The following MORC1 variants were observed in gnomAD, a reference collection of about 807,000 sequenced individuals.
MORC1 encodes MORC family CW-type zinc finger protein 1.
Under a neutral mutation model 134.9 loss-of-function variants are expected in MORC1, and 59 were observed. The ratio of observed to expected loss-of-function variants is 0.44; its 90% CI spans 0.35 to 0.54. MORC1 has a LOEUF of 0.54. Ranked by LOEUF, MORC1 falls within the 20% of genes least tolerant of loss-of-function variation. The probability of loss-of-function intolerance (pLI) is 0.00; values close to 1 mark genes in which losing one functional copy is unlikely to be tolerated. For synonymous variants in MORC1, 395 were observed against 391.7 expected (o/e 1.01, Z -0.10); for missense variants, 947 against 1,134.5 (o/e 0.83, Z 2.37).
At chr3:109,047,767 T>C (rs1949726189) in intron 14 of MORC1, among the ~76,000 whole-genome samples, 1 of 152,198 alleles carries the variant, frequency 6.6e-6, no homozygotes, top group Admixed American at 6.5e-5. Context: ...AGAGTTCAGT[T>C]GCTTCTGTTA....
chr3:109,043,780 G>A (rs1025875084), intron 14 of MORC1, among the ~76,000 whole-genome samples: 1 of 152,042 alleles, frequency 6.6e-6, no homozygotes, highest in African/African-American at 2.4e-5. Context: ...CTCAACCAAC[G>A]TTGCTGCTAT....
At chr3:109,000,160 T>C (rs554312426) in intron 21 of MORC1, among the ~76,000 whole-genome samples, 20 of 152,340 alleles carry the variant, frequency 1.3e-4, no homozygotes, top group Admixed American at 1.3e-3. Context: ...TTAAGTCAAT[T>C]CAGAATTAAA....
chr3:108,997,740 C>G (rs956751208), intron 21 of MORC1, among the ~76,000 whole-genome samples: 7 of 151,954 alleles, frequency 4.6e-5, no homozygotes, highest in African/African-American at 1.2e-4. Context: ...AAATATGAAT[C>G]TGGAAAGTAA....
chr3:109,036,021 A>G (rs1337557505), intron 14 of MORC1, among the ~76,000 whole-genome samples: 1 of 152,210 alleles, frequency 6.6e-6, no homozygotes, highest in Admixed American at 6.5e-5. Context: ...GGACTGTTAG[A>G]GAGTCGTTTT....
At chr3:109,014,977 C>G (rs1214977513) in intron 17 of MORC1, among the ~76,000 whole-genome samples, 6 of 152,116 alleles carry the variant, frequency 3.9e-5, no homozygotes, top group African/African-American at 1.2e-4. Flanking sequence ...CCTCTGCCTC[C>G]TGGGTTCAAG....
Position 109,093,453 on chromosome 3 carries a change from C to A in MORC1, c.672G>T (p.Met224Ile). ...ACACATACTCCTCCAGAGCTCCAGC[C>A]ATCAGTATATCTTCTTTGTCAGTTT... is the stretch of plus-strand genomic sequence containing the variant. ...DVKTDKEDIL[M>I]AGALEDFPAR... The change falls in exon 8 of 28, where the codon ATG (methionine) becomes ATT (isoleucine). Residue 224 changes from methionine to isoleucine, a missense_variant. Physicochemically the swap from Met to Ile is conservative, Grantham distance 10. Coordinates refer to ENST00000232603, the MANE Select transcript of MORC1 (RefSeq NM_014429.4). 6.2e-7 allele frequency: 1 copy of A among 1,612,908 alleles called. No individual in the cohort carries two copies. Among genetic ancestry groups the A allele is most frequent in the South Asian group, 1.1e-5 (1 of 91,038 alleles).
chr3:109,117,804 G>T (rs1025040213), intron 1 of MORC1, among the ~76,000 whole-genome samples, 191 bp downstream of exon 1: 5 of 152,190 alleles, frequency 3.3e-5, no homozygotes, highest in Admixed American at 2.0e-4. Context: ...AGCACCTAAA[G>T]GGTTCAGCCT....
At chr3:109,093,969 C>T (rs943371668) in intron 7 of MORC1, among the ~76,000 whole-genome samples, 1 of 152,118 alleles carries the variant, frequency 6.6e-6, no homozygotes, top group Non-Finnish European at 1.5e-5. Context: ...TGTTTTCATA[C>T]ACTATAGCAG....
chr3:109,038,453 TTGTC>T (rs1949432476), intron 14 of MORC1, among the ~76,000 whole-genome samples: 1 of 152,156 alleles, frequency 6.6e-6, no homozygotes, highest in Non-Finnish European at 1.5e-5. Flanking sequence ...TAGATCCCAT[TTGTC>T]TATTTTGGCT....
chr3:108,963,372 TAG>T (rs778090218), intron 27 of MORC1, 40 bp downstream of exon 27: 3 of 1,523,358 alleles, frequency 2.0e-6, no homozygotes, highest in South Asian at 1.2e-5. Flanking sequence ...TCTCGTTCCA[TAG>T]AGTCTACTCC....
intron 17 of MORC1, among the ~76,000 whole-genome samples, chr3:109,014,296 C>T (rs1292006380): frequency 6.6e-6 from 1 of 151,954 alleles, no homozygotes; most frequent in Non-Finnish European, 1.5e-5. Context: ...TTGTAAACTC[C>T]CAATTATTTG....
chr3:109,036,026 C>T (rs1348159062), intron 14 of MORC1, among the ~76,000 whole-genome samples: 4 of 152,116 alleles, frequency 2.6e-5, no homozygotes, highest in South Asian at 2.1e-4. Context: ...GTTAGAGAGT[C>T]GTTTTGTTCT....
At chr3:109,058,940 G>A (rs1243447546) in intron 12 of MORC1, among the ~76,000 whole-genome samples, 7 of 152,082 alleles carry the variant, frequency 4.6e-5, no homozygotes, top group African/African-American at 1.4e-4. Flanking sequence ...ATCTCATACA[G>A]TGAACTTGTT....
chr3:109,082,462 G>GA (rs977551557), intron 8 of MORC1, among the ~76,000 whole-genome samples: 1 of 152,082 alleles, frequency 6.6e-6, no homozygotes, highest in Non-Finnish European at 1.5e-5. Context: ...TGACCCTAGT[G>GA]AAAAAGCAAT....
chr3:109,066,538 C>T (rs565116459), intron 9 of MORC1, among the ~76,000 whole-genome samples: 2 of 152,270 alleles, frequency 1.3e-5, no homozygotes, highest in East Asian at 3.9e-4. Flanking sequence ...CTGCCTGCCT[C>T]GGCCTCCCAG....
At chr3:108,994,517 G>T (rs186122496) in intron 21 of MORC1, among the ~76,000 whole-genome samples, 1 of 152,162 alleles carries the variant, frequency 6.6e-6, no homozygotes, top group Admixed American at 6.5e-5. Context: ...CTAACATTCA[G>T]AATAGTAACT....
chr3:109,006,765 T>C (rs1292494339), intron 18 of MORC1, among the ~76,000 whole-genome samples: 1 of 152,152 alleles, frequency 6.6e-6, no homozygotes, highest in Admixed American at 6.5e-5. Flanking sequence ...CTAGAAAGTA[T>C]TGGAAAGAAA....
intron 22 of MORC1, 116 bp downstream of exon 22, chr3:108,986,764 T>A: frequency 1.4e-6 from 1 of 726,384 alleles, no homozygotes. Flanking sequence ...CTTAATTTTT[T>A]AAAATCCAAG....
Position 109,045,818 on chromosome 3 carries a change from A to C in MORC1, c.1330+8910T>G, listed in dbSNP as rs72935361. On this transcript the variant is annotated intron_variant, in intron 14 of 27. Coordinates refer to ENST00000232603, the MANE Select transcript of MORC1 (RefSeq NM_014429.4). ...CACTTCTCCACTCTACTGTAAGCAC[A>C]GTACGCTCCCCTGCAAAACTCCAGT... Among the ~76,000 whole-genome samples the C allele has an allele frequency of 4.2e-3, 646 of 152,258 alleles. 4 individuals are homozygous for C. The highest frequency in any genetic ancestry group is 0.014 in the African/African-American group (589 of 41,526).
Sources: gnomAD v4.1 joint callset for allele counts (sites outside exome capture counted in the v4.1 genomes callset) on GRCh38, gnomAD v4.1.1 for gene constraint, MANE v1.5 for transcripts, NCBI Gene and HGNC (gene_info 2026-07-23, HGNC 2026-07-21) for gene names.